AUTS2: variants seen among roughly 807,000 people sequenced by gnomAD.
AUTS2 encodes the protein autism susceptibility gene 2 protein.
In AUTS2, 17 loss-of-function variants were observed where a neutral mutation model predicts 112.4. The ratio of observed to expected loss-of-function variants is 0.15; its 90% CI spans 0.10 to 0.23. AUTS2 has a LOEUF of 0.23. AUTS2 is among the 10% of genes least tolerant of loss of function. The pLI, the probability that AUTS2 is intolerant of heterozygous loss-of-function variation, is 1.00. For synonymous variants in AUTS2, 751 were observed against 702.7 expected, an observed-to-expected ratio of 1.07 and a Z score of -1.09; for missense variants, 1,510 against 1,701.6, an observed-to-expected ratio of 0.89 and a Z score of 1.98.
chr7:70,616,753 GTTTT>G (rs67691820), intron 5 of AUTS2, among the ~76,000 whole-genome samples: 2 of 131,298 alleles, frequency 1.5e-5, no homozygotes, highest in Non-Finnish European at 1.6e-5. Flanking sequence ...GTGTCGAATA[GTTTT>G]TTTTTTTTTT....
At chr7:70,295,212 C>T (rs913985582) in intron 4 of AUTS2, among the ~76,000 whole-genome samples, 19 of 152,178 alleles carry the variant, frequency 1.2e-4, no homozygotes, top group Admixed American at 6.5e-4. Context: ...TAATCACTGA[C>T]GTTGTGTGCT....
chr7:70,571,397 C>A (rs1585316313), intron 5 of AUTS2, among the ~76,000 whole-genome samples: 1 of 152,288 alleles, frequency 6.6e-6, no homozygotes, highest in East Asian at 1.9e-4. Flanking sequence ...TGTTAATTAC[C>A]TAGCTGTGCC....
chr7:70,661,378 A>C (rs749987031), intron 5 of AUTS2, among the ~76,000 whole-genome samples: 68 of 152,276 alleles, frequency 4.5e-4, no homozygotes, highest in Admixed American at 8.5e-4. Flanking sequence ...GAGGGTTGAG[A>C]TGCAGGCAGG....
intron 12 of AUTS2, 192 bp downstream of exon 12, chr7:70,774,291 G>T: frequency 1.8e-6 from 1 of 569,956 alleles, no homozygotes; most frequent in Non-Finnish European, 3.1e-6. Flanking sequence ...GCGAGCATAG[G>T]ACACAAAGAG....
chr7:70,303,422 A>ACACG (rs1301031657), intron 4 of AUTS2, among the ~76,000 whole-genome samples: 13 of 125,662 alleles, frequency 1.0e-4, no homozygotes, highest in African/African-American at 1.6e-4. Flanking sequence ...GCACACACAC[A>ACACG]CGCGCGCGCG....
chr7:69,734,053 A>G (rs1786921344), intron 1 of AUTS2, among the ~76,000 whole-genome samples: 1 of 152,144 alleles, frequency 6.6e-6, no homozygotes, highest in Non-Finnish European at 1.5e-5. Flanking sequence ...CAGCTTCGCT[A>G]ATATTTAGAG....
intron 2 of AUTS2, among the ~76,000 whole-genome samples, chr7:70,074,639 G>A (rs959050438): frequency 6.6e-6 from 1 of 152,024 alleles, no homozygotes; most frequent in African/African-American, 2.4e-5. Context: ...TGTCTAGTCC[G>A]GTCTTCTAGC....
chr7:70,785,299 C>G, intron 16 of AUTS2: 1 of 606,522 alleles, frequency 1.6e-6, no homozygotes, highest in Non-Finnish European at 3.1e-6. Flanking sequence ...TCCTTGGTAT[C>G]TCAGGGAATC....
chr7:70,777,035 T>TG, intron 13 of AUTS2, 68 bp from the exon 14 acceptor site: 1 of 1,498,416 alleles, frequency 6.7e-7, no homozygotes, highest in Non-Finnish European at 9.3e-7. Context: ...CTGAAAGCTT[T>TG]GGGGAAATTG....
At chr7:69,853,098 G>A (rs1459108688) in intron 1 of AUTS2, among the ~76,000 whole-genome samples, 1 of 152,100 alleles carries the variant, frequency 6.6e-6, no homozygotes, top group East Asian at 1.9e-4. Context: ...AAAAAAAAAT[G>A]TGGCTTATGC....
At chr7:69,942,799 G>A (rs1314740739) in intron 2 of AUTS2, among the ~76,000 whole-genome samples, 1 of 152,220 alleles carries the variant, frequency 6.6e-6, no homozygotes, top group Admixed American at 6.5e-5. Context: ...TACGTGACTT[G>A]TGTCTAAAGC....
intron 4 of AUTS2, among the ~76,000 whole-genome samples, chr7:70,263,355 C>G (rs1787259863): frequency 6.6e-6 from 1 of 151,880 alleles, no homozygotes; most frequent in African/African-American, 2.4e-5. Context: ...TGGTGGGTTC[C>G]CTTGGTAGAA....
intron 4 of AUTS2, among the ~76,000 whole-genome samples, chr7:70,335,678 G>A (rs747638575): frequency 2.0e-5 from 3 of 152,228 alleles, no homozygotes; most frequent in African/African-American, 4.8e-5. Context: ...TAAGAAGGAC[G>A]TGGAGATCTA....
chr7:70,287,636 A>G (rs1028574777), intron 4 of AUTS2, among the ~76,000 whole-genome samples: 1 of 152,114 alleles, frequency 6.6e-6, no homozygotes, highest in African/African-American at 2.4e-5. Context: ...CTCACCTACA[A>G]GAGGTAGGGA....
intron 4 of AUTS2, among the ~76,000 whole-genome samples, chr7:70,142,081 A>G (rs953887591): frequency 3.9e-5 from 6 of 152,220 alleles, no homozygotes; most frequent in African/African-American, 1.2e-4. Flanking sequence ...AAATGAGGGA[A>G]TAGGCTGGGT....
intron 4 of AUTS2, among the ~76,000 whole-genome samples, chr7:70,238,606 T>C (rs1040751774): frequency 1.3e-5 from 2 of 152,196 alleles, no homozygotes; most frequent in African/African-American, 2.4e-5. Flanking sequence ...TATCATGCTT[T>C]ACATTTTATG....
At chr7:69,837,577 T>C (rs887853557) in intron 1 of AUTS2, among the ~76,000 whole-genome samples, 1 of 152,164 alleles carries the variant, frequency 6.6e-6, no homozygotes. Flanking sequence ...CATGAGTCAC[T>C]GCTGAGCCAT....
At chr7:70,678,338 A>T (rs956534271) in intron 5 of AUTS2, among the ~76,000 whole-genome samples, 1 of 152,178 alleles carries the variant, frequency 6.6e-6, no homozygotes, top group African/African-American at 2.4e-5. Context: ...AAACTGTTGG[A>T]TTTAAGGAAA....
chr7:69,896,473 T>A (rs1293412681), intron 1 of AUTS2, among the ~76,000 whole-genome samples: 1 of 152,072 alleles, frequency 6.6e-6, no homozygotes, highest in African/African-American at 2.4e-5. Flanking sequence ...GATAAGGCCT[T>A]TCCCCTTTTC....
Sources: allele counts gnomAD v4.1 joint callset (sites outside exome capture counted in the v4.1 genomes callset), GRCh38; gene constraint gnomAD v4.1.1; transcripts MANE v1.5; gene names NCBI Gene and HGNC (gene_info 2026-07-23, HGNC 2026-07-21).